The following PDE7B variants were observed in gnomAD, a reference collection of about 807,000 sequenced individuals.
PDE7B encodes 3',5'-cyclic-AMP phosphodiesterase 7B.
A neutral mutation model predicts 56.2 loss-of-function variants in PDE7B; 29 were observed. The ratio of observed to expected loss-of-function variants is 0.52; its 90% CI spans 0.38 to 0.70. The LOEUF (loss-of-function observed/expected upper bound fraction) is 0.70, where lower values mean the gene tolerates loss of function less well. Ranked by LOEUF, PDE7B falls within the 30% of genes least tolerant of loss-of-function variation. The pLI, the probability that PDE7B is intolerant of heterozygous loss-of-function variation, is 0.00. For missense variants in PDE7B, 490 were observed against 565.0 expected (o/e 0.87, Z 1.35); for synonymous variants, 197 against 196.9 (o/e 1.00, Z 0.00).
At chr6:136,075,914 A>G (rs1487173810) in intron 2 of PDE7B, among the ~76,000 whole-genome samples, 1 of 152,152 alleles carries the variant, frequency 6.6e-6, no homozygotes, top group African/African-American at 2.4e-5. Flanking sequence ...TGACTTCTAC[A>G]TCTTTGCAGG....
intron 2 of PDE7B, among the ~76,000 whole-genome samples, chr6:135,957,820 G>A (rs1774824997): frequency 6.6e-6 from 1 of 152,014 alleles, no homozygotes; most frequent in South Asian, 2.1e-4. Flanking sequence ...TGGCCTAAAA[G>A]GGGATGCCTC....
chr6:135,995,501 G>T (rs115496836), intron 2 of PDE7B, among the ~76,000 whole-genome samples: 2 of 152,146 alleles, frequency 1.3e-5, no homozygotes, highest in Non-Finnish European at 2.9e-5. Context: ...AGTATGAGTC[G>T]ATTCAGGGGT....
At chr6:136,120,605 G>T (rs1381652320) in intron 3 of PDE7B, among the ~76,000 whole-genome samples, 2 of 152,204 alleles carry the variant, frequency 1.3e-5, no homozygotes, top group African/African-American at 4.8e-5. Flanking sequence ...TAGCAGAAAA[G>T]TAAGGAATTT....
chr6:136,169,578 T>C (rs994079703), intron 8 of PDE7B, among the ~76,000 whole-genome samples: 1 of 152,178 alleles, frequency 6.6e-6, no homozygotes, highest in African/African-American at 2.4e-5. Flanking sequence ...GTGTCATTTA[T>C]CATTAGATCT....
intron 2 of PDE7B, among the ~76,000 whole-genome samples, chr6:135,961,271 G>GTGTGTA (rs1774895527): frequency 4.2e-5 from 6 of 142,012 alleles, no homozygotes; most frequent in African/African-American, 1.4e-4. Flanking sequence ...GTGTGTGTGT[G>GTGTGTA]TGTGTGTGTA....
chr6:135,856,700 G>T (rs1208698199), intron 1 of PDE7B, among the ~76,000 whole-genome samples: 1 of 152,094 alleles, frequency 6.6e-6, no homozygotes, highest in African/African-American at 2.4e-5. Flanking sequence ...CCTCAAGCAT[G>T]GAAAATAGGG....
At chr6:136,066,836 T>G (rs1208431035) in intron 2 of PDE7B, among the ~76,000 whole-genome samples, 1 of 151,852 alleles carries the variant, frequency 6.6e-6, no homozygotes, top group Non-Finnish European at 1.5e-5. Flanking sequence ...TGAGTATTCC[T>G]TTGGATAACC....
At chr6:135,983,646 C>A (rs184936135) in intron 2 of PDE7B, among the ~76,000 whole-genome samples, 3 of 152,226 alleles carry the variant, frequency 2.0e-5, no homozygotes, top group African/African-American at 2.4e-5. Context: ...GTGTCTCATA[C>A]GTGAGCATTT....
intron 1 of PDE7B, among the ~76,000 whole-genome samples, chr6:135,860,435 A>T (rs1021339147): frequency 2.6e-5 from 4 of 152,068 alleles, no homozygotes; most frequent in Non-Finnish European, 4.4e-5. Context: ...ATTTCATTTT[A>T]AATGGATTTA....
intron 2 of PDE7B, among the ~76,000 whole-genome samples, chr6:136,018,435 G>C (rs1315339337): frequency 2.0e-5 from 3 of 152,122 alleles, no homozygotes; most frequent in Non-Finnish European, 4.4e-5. Flanking sequence ...CTGAGCATTA[G>C]AGCTAACCCG....
chr6:135,958,983 G>A (rs1238706051), intron 2 of PDE7B, among the ~76,000 whole-genome samples: 1 of 152,050 alleles, frequency 6.6e-6, no homozygotes, highest in East Asian at 1.9e-4. Flanking sequence ...CTACTTCAAG[G>A]TACCCAACCA....
intron 3 of PDE7B, among the ~76,000 whole-genome samples, chr6:136,140,566 G>A (rs1036542718): frequency 3.9e-5 from 6 of 152,222 alleles, no homozygotes; most frequent in African/African-American, 1.4e-4. Flanking sequence ...TTGGCAGTAT[G>A]GCCATTTTCA....
chr6:135,974,688 T>G (rs1019595778), intron 2 of PDE7B, among the ~76,000 whole-genome samples: 2 of 152,328 alleles, frequency 1.3e-5, no homozygotes, highest in Non-Finnish European at 1.5e-5. Flanking sequence ...TATATTCTCA[T>G]AGTCAGGAAT....
At chr6:135,910,435 C>CT (rs1199862544) in intron 1 of PDE7B, among the ~76,000 whole-genome samples, 1 of 152,104 alleles carries the variant, frequency 6.6e-6, no homozygotes, top group African/African-American at 2.4e-5. Context: ...TAAAGACTTT[C>CT]TTTTTTACAG....
At chr6:135,916,588 T>G (rs1225106255) in intron 1 of PDE7B, among the ~76,000 whole-genome samples, 3 of 151,786 alleles carry the variant, frequency 2.0e-5, no homozygotes, top group Non-Finnish European at 4.4e-5. Flanking sequence ...AGATGGGGTT[T>G]CACCATGTTG....
chr6:135,938,775 C>T (rs529914905), intron 1 of PDE7B, among the ~76,000 whole-genome samples: 3 of 152,196 alleles, frequency 2.0e-5, no homozygotes, highest in South Asian at 2.1e-4. Flanking sequence ...TGCAGGGATA[C>T]GAGGAGATCT....
intron 1 of PDE7B, among the ~76,000 whole-genome samples, chr6:135,853,519 G>A (rs1248572713): frequency 6.6e-6 from 1 of 152,114 alleles, no homozygotes; most frequent in Non-Finnish European, 1.5e-5. Context: ...GTTACGTCTT[G>A]ATTGACATTT....
chr6:136,051,751 G>GGT (rs1776633252), intron 2 of PDE7B, among the ~76,000 whole-genome samples: 1 of 152,162 alleles, frequency 6.6e-6, no homozygotes, highest in South Asian at 2.1e-4. Flanking sequence ...TATGCTAAAA[G>GGT]ATTTCTTACC....
chr6:136,170,841 T>C lies in PDE7B; in HGVS notation c.712-2956T>C, dbSNP rs148226041. ...AAAGCTACCAGTTTATCTTCCATGA[T>C]AACCCATTAATCCATTAATCCATTA... is the stretch of plus-strand genomic sequence containing the variant. On this transcript the variant is annotated intron_variant, in intron 8 of 12. Coordinates refer to ENST00000308191, the MANE Select transcript of PDE7B (RefSeq NM_018945.4). Among the ~76,000 whole-genome samples, 156 of 152,280 alleles carry C rather than the reference T, an allele frequency of 1.0e-3. No homozygotes were observed. In the East Asian group the frequency reaches 0.02, roughly 19 times the overall value.
Sources: allele counts gnomAD v4.1 joint callset (sites outside exome capture counted in the v4.1 genomes callset), GRCh38; gene constraint gnomAD v4.1.1; transcripts MANE v1.5; gene names NCBI Gene and HGNC (gene_info 2026-07-23, HGNC 2026-07-21).